HLA-E: variants seen among roughly 807,000 people sequenced by gnomAD.
The protein encoded by HLA-E is HLA class I histocompatibility antigen, alpha chain E.
A neutral mutation model predicts 43.4 loss-of-function variants in HLA-E; 25 were observed. That is an observed-to-expected ratio of 0.58 (90% CI 0.42 to 0.80). The LOEUF (loss-of-function observed/expected upper bound fraction) is 0.80, where lower values mean the gene tolerates loss of function less well. Among genes scored for constraint, HLA-E ranks in the 30% least tolerant of loss-of-function variants. HLA-E has a pLI of 0.00. For synonymous variants in HLA-E, 161 were observed against 197.6 expected, an observed-to-expected ratio of 0.81 and a Z score of 1.55; for missense variants, 343 against 470.0, an observed-to-expected ratio of 0.73 and a Z score of 2.50.
At position 30,491,338 on chromosome 6, in the gene HLA-E, C is replaced by T; in HGVS notation, c.812C>T (p.Pro271Leu). 6.2e-6 allele frequency: 10 copies of T among 1,614,200 alleles called. No individual in the cohort carries two copies. The highest frequency in any genetic ancestry group is 8.5e-6 in the Non-Finnish European group (10 of 1,180,038). Residue 271 changes from proline (P) to leucine (L), a missense_variant, in exon 4 of 8, where the codon CCT becomes CTT. Physicochemically the swap from Pro to Leu is moderately conservative, Grantham distance 98. This residue lies in a region of HLA-E where 190 missense variants were observed against 283.6 expected (regional missense o/e 0.67). Transcript: ENST00000376630. This position sits in a 1 kb window ranked among gnomAD's most constrained non-coding sequence, Gnocchi z 5.4. The stretch of plus-strand genomic sequence containing the variant: ...CAGAAGTGGGCAGCTGTGGTGGTGC[C>T]TTCTGGAGAGGAGCAGAGATACACG... ...TFQKWAAVVV[P>L]SGEEQRYTCH...
In HLA-E at chr6:30,490,338, C is replaced by CT; in HGVS notation, c.434dup (p.Thr146HisfsTer4). The CT allele has an allele frequency of 6.2e-7, 1 of 1,612,700 alleles. No individual in the cohort carries two copies. Among genetic ancestry groups the CT allele is most frequent in the Non-Finnish European group, 8.5e-7 (1 of 1,179,866 alleles). On this transcript the variant is annotated frameshift_variant, in exon 3 of 8. Coordinates refer to ENST00000376630, the MANE Select transcript of HLA-E (RefSeq NM_005516.6). LOFTEE classifies it high-confidence loss of function. The surrounding 1 kb of genome is among the most constrained non-coding windows in gnomAD (Gnocchi z 6.6). ...GTTCGCCTACGACGGCAAGGATTATCTCACCCTGAATGAGGACCTGCGCTC... is the reference window on the plus strand; with the variant it reads ...GTTCGCCTACGACGGCAAGGATTATCTTCACCCTGAATGAGGACCTGCGCTC...
Position 30,492,022 on chromosome 6 carries a change from C to T in HLA-E, c.1003+369C>T, listed in dbSNP as rs1042061087. On this transcript the variant is annotated intron_variant, in intron 5 of 7. Transcript: ENST00000376630. The surrounding 1 kb of genome is among the most constrained non-coding windows in gnomAD (Gnocchi z 4.5). ...TTCACTATGTTGGCCAGGCTGGTCT[C>T]GAACTCCTGACTTTGTGATCTGCCT... 5.3e-5 allele frequency among the ~76,000 whole-genome samples: 8 copies of T among 151,940 alleles called. No homozygotes were observed. The highest frequency in any genetic ancestry group is 9.7e-5 in the African/African-American group (4 of 41,330).
rs1272043320 is a variant in HLA-E at position 30,493,740 on chromosome 6, T to G, written c.*994T>G. ...AGCCCACAGAGAGCCTCCACTAGAG[T>G]GATGCTAAGTGGAAATGTGAGGTGC... On this transcript the variant is annotated 3_prime_UTR_variant, in exon 8 of 8. Transcript: ENST00000376630. This position sits in a 1 kb window ranked among gnomAD's most constrained non-coding sequence, Gnocchi z 5.5. 1 of 149,294 alleles carries G rather than the reference T, an allele frequency of 6.7e-6. No homozygotes were observed. The highest frequency in any genetic ancestry group is 1.5e-5 in the Non-Finnish European group (1 of 67,128). 9.2% of individuals were successfully genotyped at this position (149,294 alleles called of 1,614,324 possible). A position where few individuals can be genotyped will look rare whatever the true frequency, so the allele number is the denominator to read the frequency against.
Position 30,491,521 on chromosome 6 carries a change from TC to T in HLA-E, c.887-12del, listed in dbSNP as rs573670549. The T allele has an allele frequency of 2.0e-3, 3,233 of 1,612,226 alleles. 7 individuals are homozygous for T. Among genetic ancestry groups the T allele is most frequent in the Non-Finnish European group, 2.6e-3 (3,027 of 1,178,964 alleles). ...GCCTGGGGGTCAGGGCCCCTTACGT[TC>T]CCCTCTTTTCCCAGAGCCGGCTTCC... On this transcript the variant is annotated splice_polypyrimidine_tract_variant and intron_variant, in intron 4 of 7. Transcript: ENST00000376630. The surrounding 1 kb of genome is among the most constrained non-coding windows in gnomAD (Gnocchi z 5.4).
At position 30,490,441 on chromosome 6, in the gene HLA-E, C is replaced by A; in HGVS notation, c.536C>A (p.Ala179Asp). 1 of 1,613,028 alleles carries A rather than the reference C, an allele frequency of 6.2e-7. No individual in the cohort carries two copies. The highest frequency in any genetic ancestry group is 8.5e-7 in the Non-Finnish European group (1 of 1,179,982). Residue 179 changes from alanine to aspartate, a missense_variant, in exon 3 of 8, where the codon GCC becomes GAC. Ala to Asp is a moderately radical substitution (Grantham distance 126, BLOSUM62 -2). Around this residue, in one of 3 missense-constraint regions of HLA-E, gnomAD observed 190 missense variants for 283.6 expected, o/e 0.67. Transcript: ENST00000376630. The surrounding 1 kb of genome is among the most constrained non-coding windows in gnomAD (Gnocchi z 6.6). The part of the protein sequence containing the change: ...NDASEAEHQR[A>D]YLEDTCVEWL... ...GCCTCTGAGGCGGAGCACCAGAGAG[C>A]CTACCTGGAAGACACATGCGTGGAG...
At position 30,492,809 on chromosome 6, in the gene HLA-E, G is replaced by T; in HGVS notation, c.*63G>T. On this transcript the variant is annotated 3_prime_UTR_variant, in exon 8 of 8. Transcript: ENST00000376630. The surrounding 1 kb of genome is among the most constrained non-coding windows in gnomAD (Gnocchi z 4.5). Reference sequence around the variant, plus strand: ...CAGCTGCCTTGTGTGCGACTGAGATGCAGGATTTCCTCACGCCTCCCCTAT... The same window carrying T: ...CAGCTGCCTTGTGTGCGACTGAGATTCAGGATTTCCTCACGCCTCCCCTAT... The T allele has an allele frequency of 3.0e-6, 2 of 668,378 alleles. No homozygotes were observed. Among genetic ancestry groups the T allele is most frequent in the Non-Finnish European group, 5.4e-6 (2 of 371,134 alleles). 41.4% of individuals were successfully genotyped at this position (668,378 alleles called of 1,614,324 possible). A position where few individuals can be genotyped will look rare whatever the true frequency, so the allele number is the denominator to read the frequency against.
chr6:30,489,546 C>A lies in HLA-E; in HGVS notation c.15C>A (p.Thr5=). 6.6e-7 allele frequency: 1 copy of A among 1,525,686 alleles called. No individual in the cohort carries two copies. Among genetic ancestry groups the A allele is most frequent in the Non-Finnish European group, 8.8e-7 (1 of 1,138,624 alleles). 94.5% of individuals were successfully genotyped at this position (1,525,686 alleles called of 1,614,324 possible). The part of the protein sequence containing the change: MVDG[T]LLLLLSEALA... ...AGGCTGGGATCATGGTAGATGGAAC[C>A]CTCCTTTTACTCCTCTCGGAGGCCC... Residue 5 remains threonine (T), a synonymous_variant, in exon 1 of 8, where the codon ACC becomes ACA. Coordinates refer to ENST00000376630, the MANE Select transcript of HLA-E (RefSeq NM_005516.6). The surrounding 1 kb of genome is among the most constrained non-coding windows in gnomAD (Gnocchi z 5.6).
rs1314693718 is a variant in HLA-E, at chr6:30,489,642, G to A, written c.64+47G>A. On this transcript the variant is annotated intron_variant, in intron 1 of 7. Coordinates refer to ENST00000376630, the MANE Select transcript of HLA-E (RefSeq NM_005516.6). This position sits in a 1 kb window ranked among gnomAD's most constrained non-coding sequence, Gnocchi z 5.6. The stretch of plus-strand genomic sequence containing the variant: ...AAACGGCCTCTACCGGGAGTAGAGA[G>A]GGGCCGGCCCGGCGGGGGCGAAGGA... 2.5e-6 allele frequency: 4 copies of A among 1,600,902 alleles called. No individual in the cohort carries two copies. In the African/African-American group the frequency reaches 5.4e-5, roughly 21 times the overall value.
Position 30,489,785 on chromosome 6 carries a change from C to A in HLA-E, c.124C>A (p.Arg42Ser). Residue 42 changes from arginine to serine, a missense_variant, in exon 2 of 8, where the codon CGC becomes AGC. This residue lies in a region of HLA-E where 94 missense variants were observed against 144.4 expected (regional missense o/e 0.65). Transcript: ENST00000376630. The surrounding 1 kb of genome is among the most constrained non-coding windows in gnomAD (Gnocchi z 5.6). Reference protein sequence around the residue: ...SVSRPGRGEPRFISVGYVDDT... With the variant: ...SVSRPGRGEPSFISVGYVDDT... ...GTCCCGGCCCGGCCGCGGGGAGCCC[C>A]GCTTCATCTCTGTGGGCTACGTGGA... is the stretch of plus-strand genomic sequence containing the variant. 6.2e-7 allele frequency: 1 copy of A among 1,612,970 alleles called. No individual in the cohort carries two copies. The highest frequency in any genetic ancestry group is 8.5e-7 in the Non-Finnish European group (1 of 1,179,950).
Position 30,491,569 on chromosome 6 carries a change from G to A in HLA-E, c.919G>A (p.Gly307Ser), listed in dbSNP as rs1449658120. ...TTCCCAGCCCACCATCCCCATCGTG[G>A]GCATCATTGCTGGCCTGGTTCTCCT... ...PASQPTIPIV[G>S]IIAGLVLLGS... Residue 307 changes from glycine to serine, a missense_variant, in exon 5 of 8, where the codon GGC becomes AGC. Around this residue, in one of 3 missense-constraint regions of HLA-E, gnomAD observed 190 missense variants for 283.6 expected, o/e 0.67. Coordinates refer to ENST00000376630, the MANE Select transcript of HLA-E (RefSeq NM_005516.6). The surrounding 1 kb of genome is among the most constrained non-coding windows in gnomAD (Gnocchi z 5.4). 4.3e-6 allele frequency: 7 copies of A among 1,613,458 alleles called. No individual in the cohort carries two copies. The South Asian group carries it at 7.7e-5, about 18-fold the overall frequency.
Position 30,492,154 on chromosome 6 carries a change from T to C in HLA-E, c.1004-250T>C, listed in dbSNP as rs1049984793. On this transcript the variant is annotated intron_variant, in intron 5 of 7. Transcript: ENST00000376630. The surrounding 1 kb of genome is among the most constrained non-coding windows in gnomAD (Gnocchi z 4.5). The stretch of plus-strand genomic sequence containing the variant: ...ACAATGAAGGACAGATTTATCACCT[T>C]GACGATTGTGGTGATGGGGACCTGA... Among the ~76,000 whole-genome samples the C allele has an allele frequency of 3.3e-5, 5 of 152,120 alleles. No individual in the cohort carries two copies. Among genetic ancestry groups the C allele is most frequent in the Admixed American group, 3.3e-4 (5 of 15,266 alleles).
rs925940622 is a variant in HLA-E, at chr6:30,490,719, G to A, written c.610+204G>A. Among the ~76,000 whole-genome samples, 5 of 152,140 alleles carry A rather than the reference G, an allele frequency of 3.3e-5. No homozygotes were observed. The highest frequency in any genetic ancestry group is 4.8e-5 in the African/African-American group (2 of 41,430). ...CTCTTAAAGGGCCAGACCTCTCTCA[G>A]GGGCAATTAAGGAATCTAGTCTCGC... On this transcript the variant is annotated intron_variant, in intron 3 of 7. Transcript: ENST00000376630. This position sits in a 1 kb window ranked among gnomAD's most constrained non-coding sequence, Gnocchi z 6.6.
Position 30,492,332 on chromosome 6 carries a change from C to A in HLA-E, c.1004-72C>A. 6.5e-7 allele frequency: 1 copy of A among 1,532,056 alleles called. No homozygotes were observed. Among genetic ancestry groups the A allele is most frequent in the Non-Finnish European group, 9.0e-7 (1 of 1,105,282 alleles). The allele number at this position is 1,532,056 out of a possible 1,614,324, so 94.9% of individuals were successfully genotyped here. A position where few individuals can be genotyped will look rare whatever the true frequency, so the allele number is the denominator to read the frequency against. On this transcript the variant is annotated intron_variant, in intron 5 of 7. Coordinates refer to ENST00000376630, the MANE Select transcript of HLA-E (RefSeq NM_005516.6). This position sits in a 1 kb window ranked among gnomAD's most constrained non-coding sequence, Gnocchi z 4.5. ...CAGGAAACTTCTCTGGGATCCAAAA[C>A]TAGGAGGTTCCTCTAGGACCTTATG...
At position 30,491,040 on chromosome 6, in the gene HLA-E, T is replaced by C; in HGVS notation, c.611-97T>C. 6.7e-7 allele frequency: 1 copy of C among 1,500,174 alleles called. No individual in the cohort carries two copies. The highest frequency in any genetic ancestry group is 9.1e-7 in the Non-Finnish European group (1 of 1,099,818). The allele number at this position is 1,500,174 out of a possible 1,614,324, so 92.9% of individuals were successfully genotyped here. On this transcript the variant is annotated intron_variant, in intron 3 of 7. Coordinates refer to ENST00000376630, the MANE Select transcript of HLA-E (RefSeq NM_005516.6). This position sits in a 1 kb window ranked among gnomAD's most constrained non-coding sequence, Gnocchi z 5.4. ...AAGGTTTTGTCCTCTTCTCCTACTATAATTGTCCTCTTCCTTCTCAGGATG... is the reference window on the plus strand; with the variant it reads ...AAGGTTTTGTCCTCTTCTCCTACTACAATTGTCCTCTTCCTTCTCAGGATG...
In HLA-E at chr6:30,490,769, C is replaced by T. The variant is rs921322617; in HGVS notation, c.610+254C>T. The stretch of plus-strand genomic sequence containing the variant: ...CTGGAGATTCCATCCTTCAGATGAA[C>T]TGATGAGCAGTTCTCTTTGACTCCC... On this transcript the variant is annotated intron_variant, in intron 3 of 7. Transcript: ENST00000376630. This position sits in a 1 kb window ranked among gnomAD's most constrained non-coding sequence, Gnocchi z 6.6. 6.6e-6 allele frequency among the ~76,000 whole-genome samples: 1 copy of T among 152,158 alleles called. No individual in the cohort carries two copies. The highest frequency in any genetic ancestry group is 2.4e-5 in the African/African-American group (1 of 41,430).
chr6:30,490,152 T>C lies in HLA-E; in HGVS notation c.335-88T>C. On this transcript the variant is annotated intron_variant, in intron 2 of 7. Transcript: ENST00000376630. The surrounding 1 kb of genome is among the most constrained non-coding windows in gnomAD (Gnocchi z 6.6). Reference sequence around the variant, plus strand: ...AGAGTCTCAGGCGCCTTTACCCGGTTCTTTTTCAGTTTAGGCCAAAATGCC... The same window carrying C: ...AGAGTCTCAGGCGCCTTTACCCGGTCCTTTTTCAGTTTAGGCCAAAATGCC... 1 of 1,543,420 alleles carries C rather than the reference T, an allele frequency of 6.5e-7. No homozygotes were observed. The highest frequency in any genetic ancestry group is 8.8e-7 in the Non-Finnish European group (1 of 1,139,410).
chr6:30,492,262 T>A lies in HLA-E; in HGVS notation c.1004-142T>A. ...CAGTTGATCCAGGACCCACACCTGC[T>A]TTCTTCACGTTTCCTGATCCTGCCC... On this transcript the variant is annotated intron_variant, in intron 5 of 7. Coordinates refer to ENST00000376630, the MANE Select transcript of HLA-E (RefSeq NM_005516.6). The surrounding 1 kb of genome is among the most constrained non-coding windows in gnomAD (Gnocchi z 4.5). 1 of 872,588 alleles carries A rather than the reference T, an allele frequency of 1.1e-6. No homozygotes were observed. The highest frequency in any genetic ancestry group is 2.4e-5 in the East Asian group (1 of 41,656). The allele number at this position is 872,588 out of a possible 1,614,324, so 54.1% of individuals were successfully genotyped here. A position where few individuals can be genotyped will look rare whatever the true frequency, so the allele number is the denominator to read the frequency against.
chr6:30,491,743 G>A lies in HLA-E; in HGVS notation c.1003+90G>A. ...AAAAGTGTGTCCTGCCTCGTTACTG[G>A]GAAGCACCATCCACACACACGAGCC... On this transcript the variant is annotated intron_variant, in intron 5 of 7. Transcript: ENST00000376630. This position sits in a 1 kb window ranked among gnomAD's most constrained non-coding sequence, Gnocchi z 5.4. 9.4e-7 allele frequency: 1 copy of A among 1,066,402 alleles called. No individual in the cohort carries two copies. The highest frequency in any genetic ancestry group is 1.4e-6 in the Non-Finnish European group (1 of 718,646). The allele number at this position is 1,066,402 out of a possible 1,614,324, so 66.1% of individuals were successfully genotyped here.
In HLA-E at chr6:30,491,795, G is replaced by A; in HGVS notation, c.1003+142G>A. The A allele has an allele frequency of 1.5e-6, 1 of 678,744 alleles. No individual in the cohort carries two copies. Among genetic ancestry groups the A allele is most frequent in the African/African-American group, 1.8e-5 (1 of 55,396 alleles). 42.0% of individuals were successfully genotyped at this position (678,744 alleles called of 1,614,324 possible). A position where few individuals can be genotyped will look rare whatever the true frequency, so the allele number is the denominator to read the frequency against. On this transcript the variant is annotated intron_variant, in intron 5 of 7. Coordinates refer to ENST00000376630, the MANE Select transcript of HLA-E (RefSeq NM_005516.6). This position sits in a 1 kb window ranked among gnomAD's most constrained non-coding sequence, Gnocchi z 5.4. ...ACCCAGCCTGGGGCCCTGTGTGCCA[G>A]CACCTACTCTTTTTTTTTGAGACGG...
Sources: gnomAD v4.1 joint callset for allele counts (sites outside exome capture counted in the v4.1 genomes callset) on GRCh38, gnomAD v4.1.1 for gene constraint, gnomAD v4.1.1 regional missense constraint, Gnocchi (gnomAD v3.1) non-coding constraint, MANE v1.5 for transcripts, NCBI Gene and HGNC (gene_info 2026-07-23, HGNC 2026-07-21) for gene names.